Variants in INO80 observed in about 807,000 individuals in gnomAD.
INO80 encodes the protein INO80 complex ATPase subunit, also known as chromatin-remodeling ATPase INO80.
INO80 carries 20 observed loss-of-function variants against 203.4 expected under a neutral mutation model. The ratio of observed to expected loss-of-function variants is 0.10; its 90% CI spans 0.07 to 0.14. The LOEUF is 0.14. Among genes scored for constraint, INO80 ranks in the 10% least tolerant of loss-of-function variants. The pLI is 1.00. For missense variants in INO80, 1,419 were observed against 1,914.4 expected (o/e 0.74, Z 4.83); for synonymous variants, 726 against 685.2 (o/e 1.06, Z -0.93).
intron 28 of INO80, among the ~76,000 whole-genome samples, chr15:41,003,948 C>T (rs1379640925): frequency 1.3e-5 from 2 of 152,164 alleles, no homozygotes; most frequent in African/African-American, 4.8e-5. Context: ...AGATTCTTGT[C>T]AAGTTGCAGC....
At chr15:41,004,296 G>A (rs2044005376) in intron 28 of INO80, among the ~76,000 whole-genome samples, 1 of 115,470 alleles carries the variant, frequency 8.7e-6, no homozygotes, top group Non-Finnish European at 2.1e-5. Flanking sequence ...TTAAACAGAG[G>A]ACACTCTATG....
chr15:40,999,338 G>A (rs1458414067), intron 28 of INO80: 1 of 152,184 alleles, frequency 6.6e-6, no homozygotes, highest in Non-Finnish European at 1.5e-5. Flanking sequence ...AAATGAAGAT[G>A]CTATGAATAC....
At chr15:41,088,065 A>C (rs997135622) in intron 5 of INO80, among the ~76,000 whole-genome samples, 1 of 150,766 alleles carries the variant, frequency 6.6e-6, no homozygotes, top group Non-Finnish European at 1.5e-5. Flanking sequence ...CAGATTTACT[A>C]AGGTTCCTCA....
intron 27 of INO80, chr15:41,013,220 G>A (rs1032458429): frequency 5.3e-5 from 8 of 152,324 alleles, no homozygotes; most frequent in Admixed American, 3.9e-4. Context: ...TCTATTGGAA[G>A]CATTTCTTTC....
Position 41,094,750 on chromosome 15 carries a change from A to G in INO80, c.381+851T>C, listed in dbSNP as rs16971477. 3.9e-3 allele frequency among the ~76,000 whole-genome samples: 599 copies of G among 152,296 alleles called. 8 individuals carry two copies. Among genetic ancestry groups the G allele is most frequent in the African/African-American group, 0.014 (575 of 41,556 alleles). ...ACTTCCTGTTTCCCCTCAGTACGTT[A>G]TAACAGGTTGAGCATCCCTATTCTA... On this transcript the variant is annotated intron_variant, in intron 4 of 35. Coordinates refer to ENST00000648947, the MANE Select transcript of INO80 (RefSeq NM_017553.3).
At chr15:40,983,107 G>GAAAAA in intron 34 of INO80, 30 bp from the exon 35 acceptor site, 1 of 1,176,430 alleles carries the variant, frequency 8.5e-7, no homozygotes, top group Non-Finnish European at 1.2e-6. Context: ...AAAAGGGAAA[G>GAAAAA]AAAAAAAAAA....
At chr15:41,026,632 CAA>C (rs1208564698) in intron 25 of INO80, among the ~76,000 whole-genome samples, 4 of 151,984 alleles carry the variant, frequency 2.6e-5, no homozygotes, top group Middle Eastern at 3.4e-3. Flanking sequence ...AGTGGAGAAA[CAA>C]GAGAAAAACA....
intron 1 of INO80, among the ~76,000 whole-genome samples, chr15:41,114,286 AC>A (rs1402476508): frequency 6.0e-5 from 9 of 151,042 alleles, no homozygotes; most frequent in Admixed American, 3.3e-4. Context: ...AAAAAAAAAA[AC>A]ATTCATTTTA....
At chr15:41,026,839 G>A (rs1254245804) in intron 25 of INO80, among the ~76,000 whole-genome samples, 2 of 152,194 alleles carry the variant, frequency 1.3e-5, no homozygotes, top group African/African-American at 4.8e-5. Context: ...AAAAGAGGAT[G>A]GAAGATGTAG....
intron 14 of INO80, among the ~76,000 whole-genome samples, chr15:41,063,411 A>T (rs2045149426): frequency 6.6e-6 from 1 of 152,134 alleles, no homozygotes; most frequent in African/African-American, 2.4e-5. Context: ...ACAATTAGGA[A>T]GGAAGACTTA....
At chr15:41,037,943 A>C (rs1212951218) in intron 24 of INO80, among the ~76,000 whole-genome samples, 1 of 150,706 alleles carries the variant, frequency 6.6e-6, no homozygotes, top group East Asian at 2.0e-4. Flanking sequence ...ACTCTGTCTC[A>C]AAAAAAAAGT....
rs747195900 is a variant in INO80 at position 40,980,365 on chromosome 15, G to A, written c.4529C>T (p.Ala1510Val). The stretch of plus-strand genomic sequence containing the variant: ...CAAAGGGGAACTCAAAGGAGAAGAG[G>A]CGCTTGAAGGTCCAAAGTCAGCAAG... Reference protein sequence around the residue: ...AGLADFGPSSASSPLSSPLSK... With the variant: ...AGLADFGPSSVSSPLSSPLSK... Residue 1510 changes from alanine to valine, a missense_variant, in exon 36 of 36, where the codon GCC (alanine) becomes GTC (valine). This residue lies in a region of INO80 where 112 missense variants were observed against 106.2 expected (regional missense o/e 1.05). Coordinates refer to ENST00000648947, the MANE Select transcript of INO80 (RefSeq NM_017553.3). The A allele has an allele frequency of 1.2e-6, 2 of 1,614,062 alleles. No individual in the cohort carries two copies. Among genetic ancestry groups the A allele is most frequent in the Non-Finnish European group, 1.7e-6 (2 of 1,180,026 alleles).
intron 9 of INO80, among the ~76,000 whole-genome samples, chr15:41,075,548 G>A (rs796838966): frequency 9.9e-5 from 15 of 152,254 alleles, no homozygotes; most frequent in African/African-American, 3.6e-4. Context: ...ACTGCCTCCT[G>A]GGTTCATGCC....
intron 24 of INO80, among the ~76,000 whole-genome samples, chr15:41,031,596 AG>A (rs2044471410): frequency 1.9e-4 from 1 of 5,158 alleles, no homozygotes; most frequent in Admixed American, 2.7e-3. Flanking sequence ...GAAGGGAGGG[AG>A]GGAGGGAGGA....
intron 5 of INO80, among the ~76,000 whole-genome samples, chr15:41,091,270 G>T (rs1054243940): frequency 2.6e-5 from 4 of 151,746 alleles, no homozygotes; most frequent in African/African-American, 9.7e-5. Context: ...AAGTTGGCTG[G>T]GCTGGGCTCG....
rs745733522 is a variant in INO80 at position 41,074,411 on chromosome 15, A to G, written c.1286T>C (p.Ile429Thr). The G allele has an allele frequency of 8.7e-6, 14 of 1,613,734 alleles. No homozygotes were observed. Among genetic ancestry groups the G allele is most frequent in the Admixed American group, 6.7e-5 (4 of 59,956 alleles). The change falls in exon 10 of 36, where the codon ATA becomes ACA. Residue 429 changes from isoleucine to threonine, a missense_variant. Transcript: ENST00000648947. ...GATGTTAACTACCACTCCTCCACCTATATCGATTTGTCTCTGGGTAGAACT... is the reference window on the plus strand; with the variant it reads ...GATGTTAACTACCACTCCTCCACCTGTATCGATTTGTCTCTGGGTAGAACT... ...EDSSTQRQID[I>T]GGGVVVNITQ...
intron 7 of INO80, among the ~76,000 whole-genome samples, chr15:41,084,922 A>G (rs2045537910): frequency 6.6e-6 from 1 of 152,112 alleles, no homozygotes; most frequent in African/African-American, 2.4e-5. Flanking sequence ...GTTTTTGGAG[A>G]GATGGGGTTT....
At chr15:40,997,666 A>G in intron 28 of INO80, 65 bp from the exon 29 acceptor site, 6 of 1,041,224 alleles carry the variant, frequency 5.8e-6, no homozygotes, top group Non-Finnish European at 9.0e-6. Flanking sequence ...GTATCAATAG[A>G]GAGAGATCTC....
At position 41,048,843 on chromosome 15, in the gene INO80, G is replaced by A. The variant is rs530292860; in HGVS notation, c.2576+444C>T. Reference sequence around the variant, plus strand: ...CACATCTATTTTCTGAATGGAAGTCGTCTCTAGTGCATTACCTTAACAACC... The same window carrying A: ...CACATCTATTTTCTGAATGGAAGTCATCTCTAGTGCATTACCTTAACAACC... On this transcript the variant is annotated intron_variant, in intron 21 of 35. Coordinates refer to ENST00000648947, the MANE Select transcript of INO80 (RefSeq NM_017553.3). 3.0e-4 allele frequency among the ~76,000 whole-genome samples: 45 copies of A among 152,292 alleles called. 1 individual carries two copies. In the South Asian group the frequency reaches 9.3e-3, roughly 32 times the overall value.
Sources: gnomAD v4.1 joint callset for allele counts (sites outside exome capture counted in the v4.1 genomes callset) on GRCh38, gnomAD v4.1.1 for gene constraint, gnomAD v4.1.1 regional missense constraint, MANE v1.5 for transcripts, NCBI Gene and HGNC (gene_info 2026-07-23, HGNC 2026-07-21) for gene names.